FAM186A: variants seen among roughly 807,000 people sequenced by gnomAD.
FAM186A encodes family with sequence similarity 186 member A.
In FAM186A, 163 loss-of-function variants were observed where a neutral mutation model predicts 216.8. That is an observed-to-expected ratio of 0.75 (90% CI 0.66 to 0.86). The LOEUF is 0.86. Ranked by LOEUF, FAM186A falls within the 40% of genes least tolerant of loss-of-function variation. The pLI is 0.00. For synonymous variants in FAM186A, 805 were observed against 1,025.3 expected, an observed-to-expected ratio of 0.79 and a Z score of 4.10; for missense variants, 2,184 against 2,746.2, an observed-to-expected ratio of 0.80 and a Z score of 4.58.
In FAM186A at chr12:50,363,159, C is replaced by A; in HGVS notation, c.398G>T (p.Trp133Leu). 6.5e-7 allele frequency: 1 copy of A among 1,548,040 alleles called. No homozygotes were observed. Among genetic ancestry groups the A allele is most frequent in the South Asian group, 1.2e-5 (1 of 83,462 alleles). Reference protein sequence around the residue: ...REKTLANILAWLEEWNDVLSE... With the variant: ...REKTLANILALLEEWNDVLSE... The stretch of plus-strand genomic sequence containing the variant: ...TGTAAACTTACTCCATTCTTCCAAC[C>A]AGGCCAGAATGTTGGCAAGAGTCTT... The change falls in exon 2 of 8, where the codon TGG (tryptophan) becomes TTG (leucine). Residue 133 changes from tryptophan (W) to leucine (L), a missense_variant. Trp to Leu is a moderately conservative substitution (Grantham distance 61). Coordinates refer to ENST00000327337, the MANE Select transcript of FAM186A (RefSeq NM_001145475.3).
At chr12:50,392,771 T>G (rs1943372368) in intron 1 of FAM186A, among the ~76,000 whole-genome samples, 3 of 147,648 alleles carry the variant, frequency 2.0e-5, no homozygotes, top group African/African-American at 7.5e-5. Context: ...GCTAATTTTT[T>G]TTTTTTTTTT....
intron 1 of FAM186A, among the ~76,000 whole-genome samples, chr12:50,376,949 G>T (rs1403200850): frequency 6.6e-6 from 1 of 151,700 alleles, no homozygotes; most frequent in African/African-American, 2.4e-5. Flanking sequence ...GGATCTCACT[G>T]TGTTGCTCAA....
At chr12:50,379,491 A>C (rs1368546001) in intron 1 of FAM186A, among the ~76,000 whole-genome samples, 1 of 151,064 alleles carries the variant, frequency 6.6e-6, no homozygotes, top group African/African-American at 2.4e-5. Flanking sequence ...AAAACAAAAA[A>C]AAACTAAAGC....
chr12:50,339,256 A>G (rs142047236), intron 4 of FAM186A, among the ~76,000 whole-genome samples: 13 of 152,266 alleles, frequency 8.5e-5, no homozygotes, highest in African/African-American at 2.9e-4. Context: ...GGCTCAAGCA[A>G]TTCCTCCATT....
intron 1 of FAM186A, among the ~76,000 whole-genome samples, chr12:50,366,695 C>T (rs1163492546): frequency 8.1e-6 from 1 of 123,486 alleles, no homozygotes; most frequent in African/African-American, 2.9e-5. Flanking sequence ...AAATATTTAA[C>T]ACCCTTTCAT....
At chr12:50,382,109 G>A (rs1943258362) in intron 1 of FAM186A, among the ~76,000 whole-genome samples, 1 of 152,046 alleles carries the variant, frequency 6.6e-6, no homozygotes, top group African/African-American at 2.4e-5. Flanking sequence ...CTCTGGAGAA[G>A]GTGGACACTG....
At position 50,351,829 on chromosome 12, in the gene FAM186A, G is replaced by A; in HGVS notation, c.5003C>T (p.Thr1668Ile). The part of the protein sequence containing the change: ...VSAVTLTSEQ[T>I]HALESPMNLE... ...GTTCATAGGGGACTCCAAAGCGTGG[G>A]TTTGCTCAGAGGTAAGAGTGACAGC... Residue 1668 changes from threonine to isoleucine, a missense_variant, in exon 4 of 8, where the codon ACC becomes ATC. Physicochemically the swap from Thr to Ile is moderately conservative, Grantham distance 89. Coordinates refer to ENST00000327337, the MANE Select transcript of FAM186A (RefSeq NM_001145475.3). 1 of 1,545,414 alleles carries A rather than the reference G, an allele frequency of 6.5e-7. No homozygotes were observed. The highest frequency in any genetic ancestry group is 8.7e-7 in the Non-Finnish European group (1 of 1,143,732).
At chr12:50,387,662 T>A (rs1332743777) in intron 1 of FAM186A, among the ~76,000 whole-genome samples, 3 of 152,162 alleles carry the variant, frequency 2.0e-5, no homozygotes, top group African/African-American at 4.8e-5. Flanking sequence ...TTCACCCTAA[T>A]ATTACTATGC....
chr12:50,361,060 C>T, intron 2 of FAM186A, 134 bp from the exon 3 acceptor site: 1 of 575,426 alleles, frequency 1.7e-6, no homozygotes. Flanking sequence ...TACTGCCATT[C>T]TGAGGCTTTT....
At chr12:50,369,573 GA>G in intron 1 of FAM186A, among the ~76,000 whole-genome samples, 1 of 151,332 alleles carries the variant, frequency 6.6e-6, no homozygotes, top group South Asian at 2.1e-4. Flanking sequence ...AAAATCAACA[GA>G]TTGAAAAGTC....
chr12:50,376,238 T>G (rs1943197051), intron 1 of FAM186A, among the ~76,000 whole-genome samples: 1 of 152,182 alleles, frequency 6.6e-6, no homozygotes, highest in African/African-American at 2.4e-5. Flanking sequence ...AAGCTGGGGA[T>G]GTGTTACAGC....
chr12:50,329,399 A>C (rs554375745), intron 7 of FAM186A, among the ~76,000 whole-genome samples: 2 of 152,304 alleles, frequency 1.3e-5, no homozygotes, highest in East Asian at 3.9e-4. Context: ...TCTGATTATA[A>C]CCTAAGAGTC....
At chr12:50,349,801 G>A (rs569309117) in intron 4 of FAM186A, among the ~76,000 whole-genome samples, 13 of 152,026 alleles carry the variant, frequency 8.6e-5, no homozygotes, top group Non-Finnish European at 1.9e-4. Context: ...ACAGGTGCAC[G>A]CAACCATGCC....
intron 1 of FAM186A, among the ~76,000 whole-genome samples, chr12:50,373,714 T>A (rs1238722005): frequency 6.6e-6 from 1 of 152,196 alleles, no homozygotes; most frequent in Non-Finnish European, 1.5e-5. Context: ...GACTGTAAAC[T>A]AGTTCAACCA....
rs193247105 is a variant in FAM186A, at chr12:50,395,599, C to T, written c.192+694G>A. On this transcript the variant is annotated intron_variant, in intron 1 of 7. Transcript: ENST00000327337. ...TGTTGGGATTACAGGCATAAGCCAC[C>T]GCACCCGGCTGACATTATGTAAACA... 3.5e-3 allele frequency among the ~76,000 whole-genome samples: 529 copies of T among 152,174 alleles called. 7 individuals are homozygous for T. Among genetic ancestry groups the T allele is most frequent in the Admixed American group, 0.032 (489 of 15,258 alleles).
At chr12:50,383,218 A>G (rs1943268638) in intron 1 of FAM186A, among the ~76,000 whole-genome samples, 1 of 126,764 alleles carries the variant, frequency 7.9e-6, no homozygotes, top group East Asian at 2.7e-4. Flanking sequence ...GCCACTGCAC[A>G]CCAGCCTGGG....
chr12:50,358,564 CAG>C (rs1943000203), intron 3 of FAM186A, among the ~76,000 whole-genome samples: 1 of 151,484 alleles, frequency 6.6e-6, no homozygotes, highest in African/African-American at 2.4e-5. Context: ...GCTTGGACGA[CAG>C]AGCAAAATCC....
intron 1 of FAM186A, among the ~76,000 whole-genome samples, chr12:50,373,075 GA>G (rs1943164976): frequency 7.1e-6 from 1 of 141,602 alleles, no homozygotes; most frequent in Non-Finnish European, 1.5e-5. Flanking sequence ...AAGAAAGAAA[GA>G]GAAAAGAAAG....
intron 4 of FAM186A, among the ~76,000 whole-genome samples, chr12:50,349,132 T>G (rs1178161812): frequency 6.6e-6 from 1 of 152,120 alleles, no homozygotes; most frequent in Non-Finnish European, 1.5e-5. Context: ...TTATTCATTC[T>G]TTCTATTTTT....
Sources: gnomAD v4.1 joint callset for allele counts (sites outside exome capture counted in the v4.1 genomes callset) on GRCh38, gnomAD v4.1.1 for gene constraint, MANE v1.5 for transcripts, NCBI Gene and HGNC (gene_info 2026-07-23, HGNC 2026-07-21) for gene names.